SHROOM4: variants seen among roughly 807,000 people sequenced by gnomAD.
SHROOM4 encodes protein Shroom4.
SHROOM4 carries 17 observed loss-of-function variants against 80.3 expected under a neutral mutation model. That is an observed-to-expected ratio of 0.21 (90% CI 0.14 to 0.32). The LOEUF (loss-of-function observed/expected upper bound fraction) is 0.32, where lower values mean the gene tolerates loss of function less well. Among genes scored for constraint, SHROOM4 ranks in the 10% least tolerant of loss-of-function variants. The pLI, the probability that SHROOM4 is intolerant of heterozygous loss-of-function variation, is 1.00. For missense variants in SHROOM4, 993 were observed against 1,140.3 expected (o/e 0.87, Z 1.86); for synonymous variants, 400 against 437.5 (o/e 0.91, Z 1.07).
intron 2 of SHROOM4, among the ~76,000 whole-genome samples, chrX:50,639,195 G>A (rs1188994160): frequency 8.9e-6 from 1 of 112,248 alleles, no homozygotes; most frequent in East Asian, 2.8e-4. Flanking sequence ...TGCCACCCTT[G>A]CGAGTGGGGA....
intron 5 of SHROOM4, among the ~76,000 whole-genome samples, chrX:50,621,500 G>A (rs1557252004): frequency 8.9e-6 from 1 of 111,886 alleles, no homozygotes; most frequent in African/African-American, 3.2e-5. Flanking sequence ...TACAATTGGA[G>A]TACATTATGT....
At chrX:50,580,058 C>T in the SHROOM4 span, among the ~76,000 whole-genome samples, 2 of 111,839 alleles carry the variant, frequency 1.8e-5, no homozygotes, top group African/African-American at 3.3e-5. Flanking sequence ...TTCTCCCTCA[C>T]ATCCCCATAT....
chrX:50,592,706 G>C lies in SHROOM4; in HGVS notation c.*3989C>G, dbSNP rs944952723. 1 of 119,540 alleles carries C rather than the reference G, an allele frequency of 8.4e-6. No homozygotes were observed. The highest frequency in any genetic ancestry group is 1.7e-5 in the Non-Finnish European group (1 of 57,441). 9.9% of individuals were successfully genotyped at this position (119,540 alleles called of 1,213,427 possible). ...TGCTTTCCAGGGAGCTGAGCATGAAGGTGTGAGATTGGACTATCAGCTAGA... is the reference window on the plus strand; with the variant it reads ...TGCTTTCCAGGGAGCTGAGCATGAACGTGTGAGATTGGACTATCAGCTAGA... On this transcript the variant is annotated 3_prime_UTR_variant, in exon 9 of 9. Coordinates refer to ENST00000376020, the MANE Select transcript of SHROOM4 (RefSeq NM_020717.5).
intron 2 of SHROOM4, among the ~76,000 whole-genome samples, chrX:50,673,527 C>T (rs1457667163): frequency 9.1e-6 from 1 of 110,053 alleles, no homozygotes; most frequent in African/African-American, 3.4e-5. Context: ...GAAAACAAAA[C>T]AAGATTTAAG....
intron 2 of SHROOM4, among the ~76,000 whole-genome samples, chrX:50,690,924 G>A (rs968365332): frequency 8.9e-6 from 1 of 112,688 alleles, no homozygotes; most frequent in Non-Finnish European, 1.9e-5. Context: ...CCAAGATCGT[G>A]CCACTGCACT....
chrX:50,628,177 G>T (rs891075882), intron 4 of SHROOM4, among the ~76,000 whole-genome samples: 8 of 111,519 alleles, frequency 7.2e-5, no homozygotes, highest in Non-Finnish European at 1.1e-4. Flanking sequence ...CAGAGGGACA[G>T]CAGGTATGCC....
downstream of SHROOM4, among the ~76,000 whole-genome samples, chrX:50,583,959 A>G (rs782001213): frequency 1.1e-4 from 12 of 112,267 alleles, no homozygotes; most frequent in East Asian, 1.1e-3. Flanking sequence ...GTTTGTGGTA[A>G]TGTTATAATA....
intron 7 of SHROOM4, among the ~76,000 whole-genome samples, chrX:50,601,782 A>G (rs1203999444): frequency 8.9e-6 from 1 of 112,066 alleles, no homozygotes; most frequent in Non-Finnish European, 1.9e-5. Context: ...TTGCCAGCCT[A>G]TAAGTTGTCC....
chrX:50,625,093 A>G (rs1930742276), intron 5 of SHROOM4, among the ~76,000 whole-genome samples: 1 of 111,542 alleles, frequency 9.0e-6, no homozygotes, highest in African/African-American at 3.3e-5. Context: ...CGTGGGGAAA[A>G]CAGTTTGGTA....
At chrX:50,684,681 T>C (rs782742330) in intron 2 of SHROOM4, among the ~76,000 whole-genome samples, 2 of 111,405 alleles carry the variant, frequency 1.8e-5, no homozygotes, top group East Asian at 5.7e-4. Context: ...GGGAAAAAAC[T>C]AGGACAAGAG....
chrX:50,782,806 G>C (rs1458939450), intron 1 of SHROOM4, among the ~76,000 whole-genome samples: 1 of 111,734 alleles, frequency 8.9e-6, no homozygotes, highest in Non-Finnish European at 1.9e-5. Context: ...ATCTAAAATA[G>C]TCAAACTCAT....
chrX:50,658,012 G>T (rs182205635), intron 2 of SHROOM4, among the ~76,000 whole-genome samples: 9 of 111,315 alleles, frequency 8.1e-5, no homozygotes, highest in Admixed American at 4.8e-4. Flanking sequence ...TGCCTCTTTT[G>T]CCCTTCTACT....
chrX:50,587,739 ACATTAGT>A lies in SHROOM4; in HGVS notation c.*8949_*8955del, dbSNP rs2147190752. Among the ~76,000 whole-genome samples, 1 of 112,420 alleles carries A rather than the reference ACATTAGT, an allele frequency of 8.9e-6. No individual in the cohort carries two copies. The highest frequency in any genetic ancestry group is 3.2e-5 in the African/African-American group (1 of 31,007). On this transcript the variant is annotated 3_prime_UTR_variant, in exon 9 of 9. Coordinates refer to ENST00000376020, the MANE Select transcript of SHROOM4 (RefSeq NM_020717.5). ...CTGAAGCACAAAACAAATTATTGGC[ACATTAGT>A]TGAATGAATGAATGGCATTGCACAC...
intron 2 of SHROOM4, among the ~76,000 whole-genome samples, chrX:50,659,870 C>T (rs1569547181): frequency 8.9e-6 from 1 of 111,934 alleles, no homozygotes; most frequent in African/African-American, 3.2e-5. Context: ...GGAACCTTGC[C>T]GTTTGTGCTT....
chrX:50,758,931 A>G (rs1935093085), intron 1 of SHROOM4, among the ~76,000 whole-genome samples: 1 of 111,699 alleles, frequency 9.0e-6, no homozygotes, highest in Admixed American at 9.5e-5. Context: ...AAGTTATCTA[A>G]TTTGTTTGCA....
chrX:50,794,619 C>G (rs1367830040), intron 1 of SHROOM4, among the ~76,000 whole-genome samples: 1 of 80,371 alleles, frequency 1.2e-5, no homozygotes, highest in Non-Finnish European at 2.4e-5. Context: ...CCATCATTCT[C>G]TCTCTGACAC....
intron 1 of SHROOM4, among the ~76,000 whole-genome samples, chrX:50,767,197 G>T (rs1287628841): frequency 8.9e-6 from 1 of 111,902 alleles, no homozygotes; most frequent in Non-Finnish European, 1.9e-5. Flanking sequence ...CTAAACAGAA[G>T]AAATGCAATT....
At chrX:50,685,745 G>A (rs144507424) in intron 2 of SHROOM4, among the ~76,000 whole-genome samples, 1,253 of 111,654 alleles carry the variant, frequency 0.011, 24 homozygotes, top group African/African-American at 0.038. Context: ...CACTGAATAC[G>A]GTGATTACAG....
chrX:50,764,300 C>A (rs781796223), intron 1 of SHROOM4, among the ~76,000 whole-genome samples: 1 of 110,807 alleles, frequency 9.0e-6, no homozygotes, highest in East Asian at 2.9e-4. Context: ...CAAGTGGGAT[C>A]TGGGGTGGGG....
Sources: allele counts gnomAD v4.1 joint callset (sites outside exome capture counted in the v4.1 genomes callset), GRCh38; gene constraint gnomAD v4.1.1; transcripts MANE v1.5; gene names NCBI Gene and HGNC (gene_info 2026-07-23, HGNC 2026-07-21).